Variants in PTGDR observed in about 807,000 individuals in gnomAD.
The protein encoded by PTGDR is PGD2 receptor.
Under a neutral mutation model 17.4 loss-of-function variants are expected in PTGDR, and 19 were observed. That is an observed-to-expected ratio of 1.09 (90% CI 0.76 to 1.60). The LOEUF (loss-of-function observed/expected upper bound fraction) is 1.60, where lower values mean the gene tolerates loss of function less well. Among genes scored for constraint, PTGDR ranks in the 40% most tolerant of loss-of-function variants. The pLI is 0.00. For synonymous variants in PTGDR, 267 were observed against 224.2 expected, an observed-to-expected ratio of 1.19 and a Z score of -1.71; for missense variants, 526 against 481.9, an observed-to-expected ratio of 1.09 and a Z score of -0.86.
At chr14:52,270,493 A>G (rs2140004359) in intron 1 of PTGDR, among the ~76,000 whole-genome samples, 1 of 152,312 alleles carries the variant, frequency 6.6e-6, no homozygotes, top group East Asian at 1.9e-4. Context: ...CAGTGAGCCA[A>G]GACTGTGTCA....
At chr14:52,280,112 A>G (rs1286466222), downstream of PTGDR, among the ~76,000 whole-genome samples, 2 of 152,170 alleles carry the variant, frequency 1.3e-5, no homozygotes, top group Admixed American at 6.5e-5. Flanking sequence ...AAAGCCCCAA[A>G]TCAGCGATAA....
intron 1 of PTGDR, among the ~76,000 whole-genome samples, chr14:52,273,777 A>G (rs956374809): frequency 2.6e-5 from 4 of 152,228 alleles, no homozygotes; most frequent in Non-Finnish European, 5.9e-5. Flanking sequence ...TTGAGTTTGC[A>G]CGCTTCCTGT....
chr14:52,268,723 G>T, intron 1 of PTGDR, 63 bp downstream of exon 1: 1 of 1,492,724 alleles, frequency 6.7e-7, no homozygotes, highest in Non-Finnish European at 9.0e-7. Context: ...TGCGGGGCGG[G>T]AAGGGTGGAG....
chr14:52,270,010 G>C lies in PTGDR; in HGVS notation c.846+1350G>C, dbSNP rs138338408. Among the ~76,000 whole-genome samples, 4 of 152,174 alleles carry C rather than the reference G, an allele frequency of 2.6e-5. No homozygotes were observed. In the East Asian group the frequency reaches 7.7e-4, roughly 29 times the overall value. ...GGTGATATGCAAGCTCAGATTCAGG[G>C]TTCACATTTGTAGAATCACACTCTA... On this transcript the variant is annotated intron_variant, in intron 1 of 1. Transcript: ENST00000306051.
At chr14:52,273,235 A>C (rs41312476) in intron 1 of PTGDR, among the ~76,000 whole-genome samples, 5,096 of 151,286 alleles carry the variant, frequency 0.034, 269 homozygotes, top group African/African-American at 0.11. Flanking sequence ...CTGGTCTCGA[A>C]CTCCTGACCT....
chr14:52,268,543 T>C lies in PTGDR; in HGVS notation c.729T>C (p.Cys243=). 1 of 1,612,310 alleles carries C rather than the reference T, an allele frequency of 6.2e-7. No individual in the cohort carries two copies. The highest frequency in any genetic ancestry group is 2.2e-5 in the East Asian group (1 of 44,856). Residue 243 remains cysteine, a synonymous_variant, in exon 1 of 2, where the codon TGT becomes TGC. Transcript: ENST00000306051. ...ACCCGCGCTCCTGCACCAGGGACTG[T>C]GCCGAGCCGCGCGCGGACGGGAGGG... ...QRHPRSCTRD[C]AEPRADGREA...
downstream of PTGDR, among the ~76,000 whole-genome samples, chr14:52,278,416 A>G (rs2033454488): frequency 6.6e-6 from 1 of 152,130 alleles, no homozygotes; most frequent in African/African-American, 2.4e-5. Flanking sequence ...GAATTGAACA[A>G]TGAGAACACA....
rs2033401889 is a variant in PTGDR at position 52,275,214 on chromosome 14, T to C, written c.*250T>C. 1.0e-5 allele frequency: 4 copies of C among 394,410 alleles called. No individual in the cohort carries two copies. The highest frequency in any genetic ancestry group is 6.1e-5 in the African/African-American group (3 of 49,266). The allele number at this position is 394,410 out of a possible 1,614,324, so 24.4% of individuals were successfully genotyped here. ...CTAAAATTTTATATATTGTAACCAGTGTTAAAAGTCTTAAAAAACAATGGT... is the reference window on the plus strand; with the variant it reads ...CTAAAATTTTATATATTGTAACCAGCGTTAAAAGTCTTAAAAAACAATGGT... On this transcript the variant is annotated 3_prime_UTR_variant, in exon 2 of 2. Coordinates refer to ENST00000306051, the MANE Select transcript of PTGDR (RefSeq NM_000953.3).
chr14:52,276,851 T>C (rs936460650), downstream of PTGDR: 28 of 152,206 alleles, frequency 1.8e-4, no homozygotes, highest in Non-Finnish European at 2.9e-4. Flanking sequence ...TACTGTCCGA[T>C]TAACACTTAC....
rs2033263990 is a variant in PTGDR at position 52,268,614 on chromosome 14, T to C, written c.800T>C (p.Leu267Pro). ...GAGGAGCTGGATCACCTCCTGCTGCTGGCGCTGATGACCGTGCTCTTCACT... is the reference window on the plus strand; with the variant it reads ...GAGGAGCTGGATCACCTCCTGCTGCCGGCGCTGATGACCGTGCTCTTCACT... Reference protein sequence around the residue: ...PLEELDHLLLLALMTVLFTMC... With the variant: ...PLEELDHLLLPALMTVLFTMC... The change falls in exon 1 of 2, where the codon CTG (leucine) becomes CCG (proline). Residue 267 changes from leucine to proline, a missense_variant. Coordinates refer to ENST00000306051, the MANE Select transcript of PTGDR (RefSeq NM_000953.3). 1.2e-6 allele frequency: 2 copies of C among 1,605,836 alleles called. No homozygotes were observed. The highest frequency in any genetic ancestry group is 1.7e-6 in the Non-Finnish European group (2 of 1,176,666).
intron 1 of PTGDR, 29 bp downstream of exon 1, chr14:52,268,689 G>A (rs2033266661): frequency 1.3e-6 from 2 of 1,533,536 alleles, no homozygotes; most frequent in African/African-American, 1.4e-5. Flanking sequence ...AGGCAGCAGG[G>A]CACTGAGACT....
downstream of PTGDR, among the ~76,000 whole-genome samples, chr14:52,277,314 T>C (rs557089185): frequency 1.3e-5 from 2 of 152,210 alleles, no homozygotes; most frequent in Admixed American, 6.5e-5. Flanking sequence ...AGAAGATGCA[T>C]TGAAAGTCAA....
chr14:52,280,116 G>C (rs2033471186), downstream of PTGDR, among the ~76,000 whole-genome samples: 1 of 152,134 alleles, frequency 6.6e-6, no homozygotes, highest in East Asian at 1.9e-4. Flanking sequence ...CCCCAAATCA[G>C]CGATAATTGA....
chr14:52,274,844 T>C lies in PTGDR; in HGVS notation c.960T>C (p.Pro320=). ...RFLSVISIVD[P]WIFIIFRSPV... is the part of the protein sequence containing the mutation. ...TATCTGTGATTTCAATTGTGGACCC[T>C]TGGATTTTTATCATTTTCAGATCTC... The change falls in exon 2 of 2, where the codon CCT becomes CCC. Residue 320 remains proline, a synonymous_variant. Coordinates refer to ENST00000306051, the MANE Select transcript of PTGDR (RefSeq NM_000953.3). 1.2e-6 allele frequency: 2 copies of C among 1,611,086 alleles called. No homozygotes were observed. Among genetic ancestry groups the C allele is most frequent in the Non-Finnish European group, 1.7e-6 (2 of 1,177,208 alleles).
downstream of PTGDR, among the ~76,000 whole-genome samples, chr14:52,278,789 T>C (rs1023736764): frequency 7.9e-5 from 12 of 152,180 alleles, no homozygotes; most frequent in African/African-American, 2.9e-4. Context: ...AGACATTTAA[T>C]TGGGCACTAA....
At chr14:52,269,657 A>G in intron 1 of PTGDR, 1 of 852,264 alleles carries the variant, frequency 1.2e-6, no homozygotes, top group Non-Finnish European at 1.8e-6. Context: ...GAATGTAGCC[A>G]TTTTGGATAT....
chr14:52,270,406 G>A (rs993789944), intron 1 of PTGDR, among the ~76,000 whole-genome samples: 1 of 152,066 alleles, frequency 6.6e-6, no homozygotes, highest in African/African-American at 2.4e-5. Context: ...ACCTGGGCGT[G>A]GTGGCATGCA....
rs372478650 is a variant in PTGDR, at chr14:52,267,780, G to A, written c.-35G>A. 6.0e-6 allele frequency: 9 copies of A among 1,507,196 alleles called. No individual in the cohort carries two copies. Among genetic ancestry groups the A allele is most frequent in the Non-Finnish European group, 8.0e-6 (9 of 1,129,856 alleles). 93.4% of individuals were successfully genotyped at this position (1,507,196 alleles called of 1,614,324 possible). A position where few individuals can be genotyped will look rare whatever the true frequency, so the allele number is the denominator to read the frequency against. ...CGGGCGCCGGGGCCCTCGCCCTTCC[G>A]CAGCCTTCACTCCAGCCCTCTGCTC... On this transcript the variant is annotated 5_prime_UTR_variant, in exon 1 of 2. Coordinates refer to ENST00000306051, the MANE Select transcript of PTGDR (RefSeq NM_000953.3).
rs1290429049 is a variant in PTGDR at position 52,275,140 on chromosome 14, T to A, written c.*176T>A. On this transcript the variant is annotated 3_prime_UTR_variant, in exon 2 of 2. Transcript: ENST00000306051. ...ATATCTTAACAATGTGTTACCATTC[T>A]ATAGTCATGAACCCCTTCAGTGCAT... The A allele has an allele frequency of 3.3e-6, 2 of 601,762 alleles. No homozygotes were observed. The highest frequency in any genetic ancestry group is 5.7e-6 in the Non-Finnish European group (2 of 349,830). 37.3% of individuals were successfully genotyped at this position (601,762 alleles called of 1,614,324 possible).
Sources: allele counts gnomAD v4.1 joint callset (sites outside exome capture counted in the v4.1 genomes callset), GRCh38; gene constraint gnomAD v4.1.1; transcripts MANE v1.5; gene names NCBI Gene and HGNC (gene_info 2026-07-23, HGNC 2026-07-21).